Variants in TRPC7 observed in about 807,000 individuals in gnomAD.
TRPC7 encodes the protein short transient receptor potential channel 7.
TRPC7 carries 42 observed loss-of-function variants against 90.1 expected under a neutral mutation model. That is an observed-to-expected ratio of 0.47 (90% CI 0.36 to 0.60). The LOEUF is 0.60. TRPC7 is among the 20% of genes least tolerant of loss of function. The pLI is 0.00. For synonymous variants in TRPC7, 451 were observed against 436.3 expected, an observed-to-expected ratio of 1.03 and a Z score of -0.42; for missense variants, 955 against 1,112.3, an observed-to-expected ratio of 0.86 and a Z score of 2.01.
chr5:136,356,571 G>C, intron 2 of TRPC7, 37 bp downstream of exon 2: 1 of 1,498,724 alleles, frequency 6.7e-7, no homozygotes, highest in Non-Finnish European at 8.9e-7. Context: ...GAGCCCCCTG[G>C]GCAACCTGCC....
intron 11 of TRPC7, among the ~76,000 whole-genome samples, chr5:136,214,722 T>C (rs1424554561): frequency 6.6e-6 from 1 of 152,190 alleles, no homozygotes; most frequent in African/African-American, 2.4e-5. Context: ...AGTTCAGTTA[T>C]GGCTGAGCTT....
At chr5:136,282,168 G>A (rs1757569180) in intron 3 of TRPC7, among the ~76,000 whole-genome samples, 5 of 152,158 alleles carry the variant, frequency 3.3e-5, no homozygotes, top group Admixed American at 3.3e-4. Context: ...ATAAACCACA[G>A]TGTCTGACCA....
intron 8 of TRPC7, among the ~76,000 whole-genome samples, chr5:136,227,497 A>G (rs1449610010): frequency 6.6e-6 from 1 of 151,722 alleles, no homozygotes; most frequent in African/African-American, 2.4e-5. Flanking sequence ...CTGCTGGGAT[A>G]TACCACAAGA....
Position 136,289,829 on chromosome 5 carries a change from C to T in TRPC7, c.964-14992G>A, listed in dbSNP as rs543165717. ...CAGCACGCAGCTTGAGATCTGAGAA[C>T]GGGCAGACTGCCTCCTCAAGTGGGT... On this transcript the variant is annotated intron_variant, in intron 3 of 11. Coordinates refer to ENST00000513104, the MANE Select transcript of TRPC7 (RefSeq NM_020389.3). 2.1e-3 allele frequency among the ~76,000 whole-genome samples: 327 copies of T among 152,320 alleles called. 1 individual carries two copies. Among genetic ancestry groups the T allele is most frequent in the African/African-American group, 7.3e-3 (303 of 41,568 alleles).
chr5:136,298,319 G>C (rs1043097621), intron 3 of TRPC7, among the ~76,000 whole-genome samples: 3 of 152,228 alleles, frequency 2.0e-5, no homozygotes, highest in African/African-American at 7.2e-5. Context: ...TGAAGGAACA[G>C]AGGCAGGCAG....
intron 3 of TRPC7, among the ~76,000 whole-genome samples, chr5:136,288,235 T>C (rs1291931760): frequency 6.6e-6 from 1 of 152,026 alleles, no homozygotes; most frequent in Non-Finnish European, 1.5e-5. Flanking sequence ...AGTTAATATG[T>C]GAGATATCTT....
At chr5:136,239,464 C>G (rs967699396) in intron 7 of TRPC7, among the ~76,000 whole-genome samples, 1 of 152,240 alleles carries the variant, frequency 6.6e-6, no homozygotes, top group African/African-American at 2.4e-5. Flanking sequence ...GATGCCATTC[C>G]TTGTTCCCCA....
chr5:136,257,137 C>G (rs1278096939), intron 5 of TRPC7, among the ~76,000 whole-genome samples: 2 of 151,328 alleles, frequency 1.3e-5, no homozygotes, highest in Non-Finnish European at 2.9e-5. Context: ...ATTTCCCTTT[C>G]TGTTGAAAAT....
chr5:136,250,516 C>A (rs765343657), intron 6 of TRPC7, among the ~76,000 whole-genome samples: 1 of 152,242 alleles, frequency 6.6e-6, no homozygotes, highest in Non-Finnish European at 1.5e-5. Context: ...GTTCCTTCAA[C>A]TTTCAACATC....
intron 6 of TRPC7, among the ~76,000 whole-genome samples, chr5:136,249,161 C>T (rs557918734): frequency 2.8e-4 from 43 of 152,156 alleles, no homozygotes; most frequent in Admixed American, 4.6e-4. Context: ...TTTCAGAGAC[C>T]GGTAAATGCA....
chr5:136,212,827 C>T lies in TRPC7; in HGVS notation c.*608G>A, dbSNP rs796674797. Reference sequence around the variant, plus strand: ...AATCTTAATAAAGGTAAAAATACATCATTTGGATTTTGTTGTTGTTTTCTA... The same window carrying T: ...AATCTTAATAAAGGTAAAAATACATTATTTGGATTTTGTTGTTGTTTTCTA... On this transcript the variant is annotated 3_prime_UTR_variant, in exon 12 of 12. Transcript: ENST00000513104. 2.6e-5 allele frequency among the ~76,000 whole-genome samples: 4 copies of T among 152,232 alleles called. No homozygotes were observed. Among genetic ancestry groups the T allele is most frequent in the African/African-American group, 9.6e-5 (4 of 41,550 alleles).
intron 3 of TRPC7, among the ~76,000 whole-genome samples, chr5:136,288,715 G>A (rs1156899468): frequency 2.0e-5 from 3 of 152,204 alleles, no homozygotes; most frequent in African/African-American, 4.8e-5. Context: ...CACAGCCTTT[G>A]CTTGTCTGGG....
intron 7 of TRPC7, among the ~76,000 whole-genome samples, chr5:136,244,207 CT>C (rs1159712662): frequency 6.7e-6 from 1 of 148,932 alleles, no homozygotes; most frequent in Non-Finnish European, 1.5e-5. Context: ...CCTCCTCCTT[CT>C]TCTTCTTTTT....
intron 3 of TRPC7, among the ~76,000 whole-genome samples, chr5:136,286,308 C>T (rs1176017102): frequency 6.6e-6 from 1 of 152,144 alleles, no homozygotes. Flanking sequence ...GGGTCTAAAT[C>T]GCTGTGGTGG....
chr5:136,325,903 G>C (rs762770658), intron 2 of TRPC7, among the ~76,000 whole-genome samples: 40 of 152,164 alleles, frequency 2.6e-4, no homozygotes, highest in Non-Finnish European at 5.1e-4. Context: ...AGGATCAAAG[G>C]CTACTCTCCC....
intron 5 of TRPC7, among the ~76,000 whole-genome samples, chr5:136,256,010 G>A (rs929836675): frequency 1.3e-5 from 2 of 152,194 alleles, no homozygotes; most frequent in Non-Finnish European, 2.9e-5. Flanking sequence ...ACCTGGGAGA[G>A]CTTTGTTGTG....
chr5:136,216,727 G>A (rs1322884863), intron 10 of TRPC7, among the ~76,000 whole-genome samples: 1 of 152,246 alleles, frequency 6.6e-6, no homozygotes, highest in Non-Finnish European at 1.5e-5. Flanking sequence ...AGAGGTCACA[G>A]TGAGCAGTGT....
intron 3 of TRPC7, among the ~76,000 whole-genome samples, chr5:136,278,150 C>T (rs570852510): frequency 1.3e-5 from 2 of 152,334 alleles, no homozygotes; most frequent in South Asian, 4.1e-4. Context: ...TGACTCTGCC[C>T]CACTCAGGTG....
intron 3 of TRPC7, among the ~76,000 whole-genome samples, chr5:136,279,157 G>A (rs931572109): frequency 6.6e-6 from 1 of 152,088 alleles, no homozygotes; most frequent in African/African-American, 2.4e-5. Flanking sequence ...AGGACAGCAG[G>A]ACACAAAAAT....
Sources: allele counts gnomAD v4.1 joint callset (sites outside exome capture counted in the v4.1 genomes callset), GRCh38; gene constraint gnomAD v4.1.1; transcripts MANE v1.5; gene names NCBI Gene and HGNC (gene_info 2026-07-23, HGNC 2026-07-21).